The following PRKN variants were observed in gnomAD, a reference collection of about 807,000 sequenced individuals.
PRKN encodes parkin RBR E3 ubiquitin protein ligase.
In PRKN, 56 loss-of-function variants were observed where a neutral mutation model predicts 59.5. That is an observed-to-expected ratio of 0.94 (90% confidence interval 0.76 to 1.18). The LOEUF is 1.18. PRKN is among the 50% of genes most tolerant of loss of function. PRKN has a pLI of 0.00. For synonymous variants in PRKN, 250 were observed against 222.1 expected (o/e 1.13, Z -1.12); for missense variants, 657 against 596.4 (o/e 1.10, Z -1.06).
At chr6:161,366,982 CTTTTTTT>C (rs57164972) in intron 10 of PRKN, among the ~76,000 whole-genome samples, 1,287 of 91,816 alleles carry the variant, frequency 0.014, 16 homozygotes, top group African/African-American at 0.051. Context: ...TTTTTGTTTC[CTTTTTTT>C]TTTTTTTTTT....
intron 1 of PRKN, among the ~76,000 whole-genome samples, chr6:162,580,958 A>C (rs1489860052): frequency 6.6e-6 from 1 of 152,214 alleles, no homozygotes; most frequent in African/African-American, 2.4e-5. Context: ...AATGTCTAGC[A>C]TACTTGCTGA....
At chr6:162,599,954 G>A (rs1257298997) in intron 1 of PRKN, among the ~76,000 whole-genome samples, 1 of 152,052 alleles carries the variant, frequency 6.6e-6, no homozygotes, top group Non-Finnish European at 1.5e-5. Flanking sequence ...CAAATACCAG[G>A]CCAGGTAACA....
chr6:162,688,475 TATTAG>T (rs1024625209), intron 1 of PRKN, among the ~76,000 whole-genome samples: 1 of 152,240 alleles, frequency 6.6e-6, no homozygotes, highest in African/African-American at 2.4e-5. Flanking sequence ...AGGTCAATTG[TATTAG>T]ATAACTAACA....
intron 1 of PRKN, among the ~76,000 whole-genome samples, chr6:162,638,598 C>T (rs1777836541): frequency 6.6e-6 from 1 of 152,184 alleles, no homozygotes; most frequent in Non-Finnish European, 1.5e-5. Context: ...TCATCTAAAA[C>T]ACGCATTCCA....
intron 1 of PRKN, among the ~76,000 whole-genome samples, chr6:162,724,268 C>T (rs1246964931): frequency 3.3e-5 from 5 of 152,212 alleles, no homozygotes; most frequent in Admixed American, 3.3e-4. Flanking sequence ...TCCACACTTT[C>T]CACAAAGGCA....
At chr6:162,281,609 C>T (rs1387697653) in intron 2 of PRKN, among the ~76,000 whole-genome samples, 1 of 151,942 alleles carries the variant, frequency 6.6e-6, no homozygotes, top group African/African-American at 2.4e-5. Context: ...AAAAAGAAAT[C>T]TTTGTTTTGG....
intron 2 of PRKN, among the ~76,000 whole-genome samples, chr6:162,383,111 A>C (rs1786586362): frequency 6.6e-6 from 1 of 152,170 alleles, no homozygotes; most frequent in African/African-American, 2.4e-5. Flanking sequence ...TGAGGACTGG[A>C]ATCCACTTCT....
intron 2 of PRKN, among the ~76,000 whole-genome samples, chr6:162,355,411 A>ATCTATCTATC (rs1562696425): frequency 9.0e-4 from 129 of 144,044 alleles, no homozygotes; most frequent in Middle Eastern, 3.5e-3. Flanking sequence ...ATCTATCTAT[A>ATCTATCTATC]TATATATAAC....
At position 161,620,392 on chromosome 6, in the gene PRKN, G is replaced by A. The variant is rs925831874; in HGVS notation, c.872-50976C>T. Among the ~76,000 whole-genome samples, 10 of 152,084 alleles carry A rather than the reference G, an allele frequency of 6.6e-5. No homozygotes were observed. In the East Asian group the frequency reaches 1.5e-3, roughly 24 times the overall value. ...ATTGTCCCAAGACACCTTCTTCCTCGCCATTCTCAGGAAAATGAATGACGT... is the reference window on the plus strand; with the variant it reads ...ATTGTCCCAAGACACCTTCTTCCTCACCATTCTCAGGAAAATGAATGACGT... On this transcript the variant is annotated intron_variant, in intron 7 of 11. Transcript: ENST00000366898.
intron 7 of PRKN, among the ~76,000 whole-genome samples, chr6:161,750,684 T>C (rs1021809865): frequency 6.6e-6 from 1 of 151,542 alleles, no homozygotes; most frequent in Non-Finnish European, 1.5e-5. Flanking sequence ...GGAGAATTGC[T>C]TGAACCCAGG....
intron 7 of PRKN, among the ~76,000 whole-genome samples, chr6:161,697,580 C>T (rs558313768): frequency 1.0e-3 from 155 of 152,270 alleles, no homozygotes; most frequent in Non-Finnish European, 1.9e-3. Flanking sequence ...CTCCTCTGAA[C>T]TGATAGTATG....
chr6:162,508,813 C>T (rs1224346837), intron 1 of PRKN, among the ~76,000 whole-genome samples: 1 of 152,092 alleles, frequency 6.6e-6, no homozygotes, highest in Non-Finnish European at 1.5e-5. Context: ...GATTGCACCA[C>T]TTCACTCCAG....
At chr6:162,386,056 T>C (rs534249965) in intron 2 of PRKN, among the ~76,000 whole-genome samples, 1 of 152,254 alleles carries the variant, frequency 6.6e-6, no homozygotes, top group East Asian at 1.9e-4. Flanking sequence ...AAGAGGTGCC[T>C]ATGCAGATGC....
At chr6:162,317,127 C>T (rs1382981999) in intron 2 of PRKN, among the ~76,000 whole-genome samples, 1 of 151,996 alleles carries the variant, frequency 6.6e-6, no homozygotes, top group African/African-American at 2.4e-5. Context: ...AATAAAGCCT[C>T]AACCATTTAC....
In PRKN at chr6:161,551,918, T is replaced by C. The variant is rs1192199218; in HGVS notation, c.934-2915A>G. On this transcript the variant is annotated intron_variant, in intron 8 of 11. Coordinates refer to ENST00000366898, the MANE Select transcript of PRKN (RefSeq NM_004562.3). The surrounding 1 kb of genome is among the most constrained non-coding windows in gnomAD (Gnocchi z 5.2). ...GAGGATCTAAAGGATGTGTGGAGGG[T>C]TGGCCTTCAGAGAGCAGGCAGCCAT... Among the ~76,000 whole-genome samples, 1 of 152,048 alleles carries C rather than the reference T, an allele frequency of 6.6e-6. No homozygotes were observed. Among genetic ancestry groups the C allele is most frequent in the Non-Finnish European group, 1.5e-5 (1 of 67,998 alleles).
intron 3 of PRKN, among the ~76,000 whole-genome samples, chr6:162,212,070 T>C (rs1428828055): frequency 6.6e-6 from 1 of 152,194 alleles, no homozygotes; most frequent in Non-Finnish European, 1.5e-5. Flanking sequence ...CACTCTTCAC[T>C]GGTACTGTGG....
intron 9 of PRKN, among the ~76,000 whole-genome samples, chr6:161,424,912 A>C (rs2115035648): frequency 6.6e-6 from 1 of 152,314 alleles, no homozygotes; most frequent in South Asian, 2.1e-4. Context: ...AGAACTTCCT[A>C]GTTAAATGTG....
intron 2 of PRKN, among the ~76,000 whole-genome samples, chr6:162,342,410 C>A (rs1360320467): frequency 6.6e-6 from 1 of 152,160 alleles, no homozygotes; most frequent in African/African-American, 2.4e-5. Flanking sequence ...TAGCACCAGG[C>A]ACGATGTGAA....
intron 6 of PRKN, among the ~76,000 whole-genome samples, chr6:161,882,642 A>G (rs1794981014): frequency 6.6e-6 from 1 of 152,212 alleles, no homozygotes; most frequent in Admixed American, 6.5e-5. Context: ...AATATGTTTT[A>G]ACTGTTTCCT....
Sources: allele counts gnomAD v4.1 joint callset (sites outside exome capture counted in the v4.1 genomes callset), GRCh38; gene constraint gnomAD v4.1.1; non-coding constraint Gnocchi (gnomAD v3.1); transcripts MANE v1.5; gene names NCBI Gene and HGNC (gene_info 2026-07-23, HGNC 2026-07-21).